Variants in GRK3 observed in about 807,000 individuals in gnomAD.
GRK3 encodes the protein adrenergic, beta, receptor kinase 2.
Under a neutral mutation model 95.7 loss-of-function variants are expected in GRK3, and 54 were observed. The ratio of observed to expected loss-of-function variants is 0.56; its 90% CI spans 0.45 to 0.71. The LOEUF is 0.71. GRK3 is among the 30% of genes least tolerant of loss of function. The pLI is 0.00. For missense variants in GRK3, 649 were observed against 851.2 expected, an observed-to-expected ratio of 0.76 and a Z score of 2.96; for synonymous variants, 281 against 290.8, an observed-to-expected ratio of 0.97 and a Z score of 0.34.
chr22:25,695,251 G>GA, intron 13 of GRK3, 37 bp downstream of exon 13: 9 of 1,442,146 alleles, frequency 6.2e-6, no homozygotes, highest in Non-Finnish European at 8.7e-6. Context: ...CTGTCCTCAT[G>GA]GCAGCAGGAG....
intron 10 of GRK3, among the ~76,000 whole-genome samples, chr22:25,686,068 A>C (rs1436758087): frequency 3.3e-5 from 5 of 151,904 alleles, no homozygotes; most frequent in Non-Finnish European, 7.4e-5. Context: ...AAAAATACAA[A>C]AAAATTAGCC....
Position 25,564,791 on chromosome 22 carries a change from T to C in GRK3, c.-250T>C, listed in dbSNP as rs907888117. ...CTGAAGGAGCAGGGGGCGGCGCGCG[T>C]GCGCGGGGCGCCGGGCGGCGCGCGA... On this transcript the variant is annotated 5_prime_UTR_variant, in exon 1 of 21. Transcript: ENST00000324198. The C allele has an allele frequency of 2.0e-5, 3 of 147,880 alleles. No individual in the cohort carries two copies. The highest frequency in any genetic ancestry group is 2.0e-4 in the East Asian group (1 of 4,942). 9.2% of individuals were successfully genotyped at this position (147,880 alleles called of 1,614,324 possible). A position where few individuals can be genotyped will look rare whatever the true frequency, so the allele number is the denominator to read the frequency against.
chr22:25,718,481 C>T, intron 19 of GRK3, 100 bp downstream of exon 19: 3 of 1,295,868 alleles, frequency 2.3e-6, no homozygotes, highest in Non-Finnish European at 3.2e-6. Context: ...TCCTCCGAAA[C>T]TCTGTGATTC....
intron 1 of GRK3, among the ~76,000 whole-genome samples, chr22:25,591,972 C>T (rs1171047967): frequency 6.6e-6 from 1 of 152,136 alleles, no homozygotes; most frequent in Non-Finnish European, 1.5e-5. Context: ...TGGATATATG[C>T]TTTCATTTCT....
chr22:25,680,949 GTT>G (rs200567822), intron 9 of GRK3, among the ~76,000 whole-genome samples: 7 of 139,470 alleles, frequency 5.0e-5, no homozygotes, highest in Admixed American at 1.4e-4. Context: ...TTACTGGAAG[GTT>G]TTTTTTTTTT....
chr22:25,647,020 C>CAAAAAAAAAAAAAAAAAAAAAAA (rs1025786169), intron 3 of GRK3, among the ~76,000 whole-genome samples: 2 of 54,004 alleles, frequency 3.7e-5, no homozygotes, highest in African/African-American at 1.3e-4. Flanking sequence ...GACTTTGTCT[C>CAAAAAAAAAAAAAAAAAAAAAAA]AAAAAAAAAA....
intron 13 of GRK3, chr22:25,703,095 G>A: frequency 3.2e-6 from 1 of 312,220 alleles, no homozygotes; most frequent in Non-Finnish European, 6.3e-6. Context: ...GCTGTTCCTT[G>A]GGCTGTTTGA....
intron 18 of GRK3, among the ~76,000 whole-genome samples, chr22:25,716,965 G>A (rs757413984): frequency 6.6e-6 from 1 of 152,144 alleles, no homozygotes; most frequent in Admixed American, 6.5e-5. Context: ...TATGAGAATC[G>A]AATGCTTGAT....
intron 8 of GRK3, among the ~76,000 whole-genome samples, chr22:25,677,868 T>A (rs921607324): frequency 1.3e-5 from 2 of 152,218 alleles, no homozygotes; most frequent in Non-Finnish European, 2.9e-5. Context: ...CTTCCTGTTT[T>A]CTATAGAATA....
At chr22:25,579,658 G>T (rs966308085) in intron 1 of GRK3, among the ~76,000 whole-genome samples, 1 of 151,850 alleles carries the variant, frequency 6.6e-6, no homozygotes, top group Non-Finnish European at 1.5e-5. Flanking sequence ...ATTTTTAGTA[G>T]AGACGTGGTT....
At chr22:25,652,025 T>A (rs1049733395) in intron 3 of GRK3, among the ~76,000 whole-genome samples, 58 of 152,250 alleles carry the variant, frequency 3.8e-4, no homozygotes, top group African/African-American at 1.3e-3. Flanking sequence ...AAATAAAAAA[T>A]TCTCATTAAA....
intron 15 of GRK3, among the ~76,000 whole-genome samples, chr22:25,705,077 CA>C (rs1447750369): frequency 6.6e-6 from 1 of 152,134 alleles, no homozygotes; most frequent in Non-Finnish European, 1.5e-5. Context: ...GCATATTATA[CA>C]TATAAGCATT....
chr22:25,597,871 A>G (rs138978557), intron 1 of GRK3, among the ~76,000 whole-genome samples: 273 of 152,356 alleles, frequency 1.8e-3, no homozygotes, highest in African/African-American at 6.2e-3. Flanking sequence ...CCTATACCCA[A>G]TAACAATATC....
At chr22:25,674,403 T>A in intron 7 of GRK3, 34 bp from the exon 8 acceptor site, 1 of 1,521,968 alleles carries the variant, frequency 6.6e-7, no homozygotes, top group Non-Finnish European at 9.1e-7. Context: ...CTTTGTGTAA[T>A]CTTATGTTTT....
chr22:25,589,120 A>G (rs1407168238), intron 1 of GRK3, among the ~76,000 whole-genome samples: 1 of 152,142 alleles, frequency 6.6e-6, no homozygotes, highest in Non-Finnish European at 1.5e-5. Flanking sequence ...CTTTATGACT[A>G]CCTTATTATG....
intron 1 of GRK3, among the ~76,000 whole-genome samples, chr22:25,567,033 T>C (rs1168598129): frequency 6.6e-6 from 1 of 152,162 alleles, no homozygotes; most frequent in Non-Finnish European, 1.5e-5. Flanking sequence ...ACTTATGCAC[T>C]TAGGGTGTTC....
intron 16 of GRK3, 26 bp downstream of exon 16, chr22:25,709,990 T>TA (rs1340075997): frequency 9.7e-6 from 15 of 1,550,268 alleles, no homozygotes; most frequent in East Asian, 4.5e-5. Context: ...TGACTCTACT[T>TA]ACGGTACTGC....
At chr22:25,596,862 C>T (rs531591414) in intron 1 of GRK3, among the ~76,000 whole-genome samples, 1 of 152,282 alleles carries the variant, frequency 6.6e-6, no homozygotes, top group East Asian at 1.9e-4. Flanking sequence ...ATTTTGTAGG[C>T]ATTGAATCAT....
At chr22:25,721,466 T>C in intron 20 of GRK3, 69 bp downstream of exon 20, 1 of 877,574 alleles carries the variant, frequency 1.1e-6, no homozygotes, top group Non-Finnish European at 1.8e-6. Context: ...ACTGCCTGTC[T>C]ATAAAACATT....
Sources: gnomAD v4.1 joint callset for allele counts (sites outside exome capture counted in the v4.1 genomes callset) on GRCh38, gnomAD v4.1.1 for gene constraint, MANE v1.5 for transcripts, NCBI Gene and HGNC (gene_info 2026-07-23, HGNC 2026-07-21) for gene names.